MCM3AP: variants seen among roughly 807,000 people sequenced by gnomAD.
MCM3AP encodes the protein minichromosome maintenance complex component 3 associated protein.
In MCM3AP, 126 loss-of-function variants were observed where a neutral mutation model predicts 184.1. The observed-to-expected ratio is 0.68, with a 90% confidence interval of 0.59 to 0.79. The LOEUF (loss-of-function observed/expected upper bound fraction) is 0.79, where lower values mean the gene tolerates loss of function less well. Among genes scored for constraint, MCM3AP ranks in the 30% least tolerant of loss-of-function variants. The pLI is 0.00. For missense variants in MCM3AP, 2,496 were observed against 2,479.2 expected (o/e 1.01, Z -0.14); for synonymous variants, 1,002 against 979.3 (o/e 1.02, Z -0.43).
At chr21:46,276,324 T>C (rs17182671) in intron 5 of MCM3AP, among the ~76,000 whole-genome samples, 62,375 of 151,434 alleles carry the variant, frequency 0.41, 13,264 homozygotes, top group Admixed American at 0.48. Flanking sequence ...TAAAAATCAC[T>C]GTATCAATGA....
chr21:46,262,952 G>GT (rs1254802896), intron 13 of MCM3AP, among the ~76,000 whole-genome samples: 1 of 131,952 alleles, frequency 7.6e-6, no homozygotes, highest in Non-Finnish European at 1.6e-5. Flanking sequence ...TGGGCGACAG[G>GT]GAGACTCCGT....
At chr21:46,278,919 C>T (rs1449005079) in intron 4 of MCM3AP, among the ~76,000 whole-genome samples, 2 of 149,204 alleles carry the variant, frequency 1.3e-5, no homozygotes, top group Non-Finnish European at 3.0e-5. Flanking sequence ...GTGATCCGCC[C>T]GCCTTGGCCT....
chr21:46,279,909 T>G (rs1471953683), intron 4 of MCM3AP, 84 bp downstream of exon 4: 6 of 1,409,620 alleles, frequency 4.3e-6, no homozygotes, highest in Non-Finnish European at 5.8e-6. Context: ...CTCCCCACAG[T>G]CTTGCACCCT....
At chr21:46,246,250 G>A in intron 22 of MCM3AP, 57 bp downstream of exon 22, 3 of 1,078,114 alleles carry the variant, frequency 2.8e-6, no homozygotes, top group Non-Finnish European at 4.3e-6. Flanking sequence ...TCAAGATACA[G>A]CAAAAGGGGA....
chr21:46,243,656 G>A lies in MCM3AP; in HGVS notation c.5105C>T (p.Thr1702Ile). Residue 1702 changes from threonine to isoleucine, a missense_variant, in exon 24 of 28, where the codon ACA (threonine) becomes ATA (isoleucine). Around this residue, in one of 5 missense-constraint regions of MCM3AP, gnomAD observed 1,323 missense variants for 1,273.4 expected, o/e 1.04. Transcript: ENST00000291688. ...CACCTGGGACTGGAGGACAGGCTGT[G>A]TCTGGCGTGAGCTGGGGATCTGGGA... ...YASQIPSSRQ[T>I]QPVLQSQVEN... The A allele has an allele frequency of 6.2e-7, 1 of 1,614,248 alleles. No individual in the cohort carries two copies. The highest frequency in any genetic ancestry group is 8.5e-7 in the Non-Finnish European group (1 of 1,180,048).
intron 8 of MCM3AP, 99 bp from the exon 9 acceptor site, chr21:46,270,662 G>C (rs1292882333): frequency 9.2e-7 from 1 of 1,083,742 alleles, no homozygotes. Flanking sequence ...TCACTGGCCA[G>C]ATGCAGTGGC....
At chr21:46,264,926 T>C (rs963262803) in intron 12 of MCM3AP, among the ~76,000 whole-genome samples, 1 of 148,830 alleles carries the variant, frequency 6.7e-6, no homozygotes, top group Non-Finnish European at 1.5e-5. Context: ...CCATGCATAT[T>C]GGGGTCCCAT....
intron 16 of MCM3AP, among the ~76,000 whole-genome samples, chr21:46,258,166 G>A (rs955062594): frequency 3.9e-5 from 6 of 152,128 alleles, no homozygotes; most frequent in South Asian, 4.1e-4. Context: ...GGATGGTTTC[G>A]CAAGCAGCTG....
At chr21:46,273,662 G>A (rs1005270488) in intron 6 of MCM3AP, 77 bp from the exon 7 acceptor site, 4 of 1,099,390 alleles carry the variant, frequency 3.6e-6, no homozygotes, top group African/African-American at 3.1e-5. Flanking sequence ...AAAATGAGGG[G>A]GAAAATCACA....
intron 20 of MCM3AP, among the ~76,000 whole-genome samples, chr21:46,248,228 C>T (rs2080808678): frequency 6.6e-6 from 1 of 152,114 alleles, no homozygotes; most frequent in Non-Finnish European, 1.5e-5. Context: ...CTGCAGGCAA[C>T]CTCTATGCAA....
intron 6 of MCM3AP, among the ~76,000 whole-genome samples, chr21:46,274,765 A>G (rs2081233536): frequency 6.6e-6 from 1 of 152,000 alleles, no homozygotes. Flanking sequence ...GCAAGACCCC[A>G]TCGCTGCAAA....
rs914177491 is a variant in MCM3AP, at chr21:46,244,813, G to C, written c.5032C>G (p.Leu1678Val). 8.1e-6 allele frequency: 13 copies of C among 1,611,866 alleles called. No homozygotes were observed. The African/African-American group carries it at 1.5e-4, about 18-fold the overall frequency. ...CCCCAGGTCAAGCACGTACCCCCCA[G>C]GGGTGGAAGGTCCATCTGCGGAAGC... ...FQLPQMDLPP[L>V]GAPWLPVCSM... The change falls in exon 23 of 28, where the codon CTG (leucine) becomes GTG (valine). Residue 1678 changes from leucine (L) to valine (V), a missense_variant. By Grantham distance (32) the Leu-to-Val change is conservative. Around this residue, in one of 5 missense-constraint regions of MCM3AP, gnomAD observed 1,323 missense variants for 1,273.4 expected, o/e 1.04. Transcript: ENST00000291688.
intron 20 of MCM3AP, among the ~76,000 whole-genome samples, chr21:46,248,126 T>G (rs1047647367): frequency 6.6e-6 from 1 of 152,156 alleles, no homozygotes; most frequent in Middle Eastern, 3.2e-3. Context: ...TCAGGTTGAC[T>G]GAGCCTGCAA....
intron 12 of MCM3AP, 25 bp from the exon 13 acceptor site, chr21:46,264,242 T>C (rs186186159): frequency 1.4e-6 from 2 of 1,456,780 alleles, no homozygotes; most frequent in African/African-American, 2.8e-5. Context: ...GCATGGGGTG[T>C]AATGGAACGT....
chr21:46,241,598 T>C (rs1284867511), intron 25 of MCM3AP: 1 of 153,476 alleles, frequency 6.5e-6, no homozygotes, highest in Non-Finnish European at 1.5e-5. Context: ...TTTTAAGTAC[T>C]GGAGCTTTAC....
intron 26 of MCM3AP, among the ~76,000 whole-genome samples, chr21:46,240,116 G>A (rs2123807723): frequency 6.6e-6 from 1 of 152,244 alleles, no homozygotes; most frequent in South Asian, 2.1e-4. Context: ...GGGGAGGGGT[G>A]GTAGCACGAG....
intron 15 of MCM3AP, among the ~76,000 whole-genome samples, chr21:46,259,549 C>G (rs1056635289): frequency 6.6e-6 from 1 of 151,982 alleles, no homozygotes; most frequent in Admixed American, 6.6e-5. Flanking sequence ...GCAGGCAAAT[C>G]ACTTCAGGTC....
chr21:46,248,587 TAAAAG>T (rs2080814050), intron 20 of MCM3AP, among the ~76,000 whole-genome samples: 1 of 125,004 alleles, frequency 8.0e-6, no homozygotes, highest in African/African-American at 3.0e-5. Flanking sequence ...GCCTCCAACA[TAAAAG>T]AGATAAACTG....
In MCM3AP at chr21:46,280,445, A is replaced by G. The variant is rs561629396; in HGVS notation, c.1522+52T>C. ...ACATAGCGAGATCTCATCTCTATAA[A>G]ATAAATAAAAATAATTTTTTTAAAA... On this transcript the variant is annotated intron_variant, in intron 3 of 27. Transcript: ENST00000291688. The G allele has an allele frequency of 1.7e-4, 231 of 1,353,848 alleles. 2 individuals carry two copies. The East Asian group carries it at 4.9e-3, about 29-fold the overall frequency. The allele number at this position is 1,353,848 out of a possible 1,614,324, so 83.9% of individuals were successfully genotyped here.
Sources: gnomAD v4.1 joint callset for allele counts (sites outside exome capture counted in the v4.1 genomes callset) on GRCh38, gnomAD v4.1.1 for gene constraint, gnomAD v4.1.1 regional missense constraint, MANE v1.5 for transcripts, NCBI Gene and HGNC (gene_info 2026-07-23, HGNC 2026-07-21) for gene names.